Variants in PRKCE observed in about 807,000 individuals in gnomAD.
PRKCE encodes protein kinase C epsilon.
PRKCE carries 16 observed loss-of-function variants against 85.4 expected under a neutral mutation model. The ratio of observed to expected loss-of-function variants is 0.19; its 90% CI spans 0.13 to 0.28. PRKCE has a LOEUF of 0.28. Ranked by LOEUF, PRKCE falls within the 10% of genes least tolerant of loss-of-function variation. The pLI is 1.00. For synonymous variants in PRKCE, 388 were observed against 371.5 expected (o/e 1.04, Z -0.51); for missense variants, 573 against 975.2 (o/e 0.59, Z 5.49).
intron 10 of PRKCE, among the ~76,000 whole-genome samples, chr2:46,085,479 G>T (rs1669505482): frequency 6.6e-6 from 1 of 152,148 alleles, no homozygotes; most frequent in Non-Finnish European, 1.5e-5. Context: ...ACATGAAGGT[G>T]CTGGCTAGGC....
intron 14 of PRKCE, among the ~76,000 whole-genome samples, chr2:46,182,210 C>T (rs761928945): frequency 2.0e-5 from 3 of 152,126 alleles, no homozygotes; most frequent in Non-Finnish European, 4.4e-5. Flanking sequence ...TGACTCACTT[C>T]GCCAGGCACA....
chr2:46,051,851 T>C (rs1344201782), intron 10 of PRKCE, among the ~76,000 whole-genome samples: 3 of 152,142 alleles, frequency 2.0e-5, no homozygotes, highest in East Asian at 3.9e-4. Flanking sequence ...GTTACAATCA[T>C]GGCGGAAGGC....
intron 1 of PRKCE, among the ~76,000 whole-genome samples, chr2:45,710,675 G>T (rs1340326418): frequency 6.6e-6 from 1 of 152,264 alleles, no homozygotes; most frequent in Non-Finnish European, 1.5e-5. Context: ...TATGCCCAGG[G>T]CTTGGGGACT....
At chr2:45,793,743 T>C (rs1466259070) in intron 1 of PRKCE, among the ~76,000 whole-genome samples, 2 of 152,146 alleles carry the variant, frequency 1.3e-5, no homozygotes, top group Admixed American at 6.6e-5. Flanking sequence ...ACAGCAACAA[T>C]TGTTTAAATT....
intron 1 of PRKCE, among the ~76,000 whole-genome samples, chr2:45,661,762 A>G (rs1183638205): frequency 6.7e-6 from 1 of 149,648 alleles, no homozygotes; most frequent in African/African-American, 2.5e-5. Context: ...GATGGTCTCA[A>G]TCTCCTCACC....
Position 46,001,269 on chromosome 2 carries a change from A to ATATG in PRKCE, c.824-132_824-131insGTAT, listed in dbSNP as rs1553470602. On this transcript the variant is annotated intron_variant, in intron 6 of 14. Coordinates refer to ENST00000306156, the MANE Select transcript of PRKCE (RefSeq NM_005400.3). The surrounding 1 kb of genome is among the most constrained non-coding windows in gnomAD (Gnocchi z 4.4). ...ATGGAAGACATATATATATATATAT[A>ATATG]TATTTCTGTATTTTCCAAATTATAT... 2 of 547,960 alleles carry ATATG rather than the reference A, an allele frequency of 3.6e-6. No homozygotes were observed. The highest frequency in any genetic ancestry group is 5.1e-6 in the Non-Finnish European group (2 of 392,648). The allele number at this position is 547,960 out of a possible 1,614,324, so 33.9% of individuals were successfully genotyped here. A position where few individuals can be genotyped will look rare whatever the true frequency, so the allele number is the denominator to read the frequency against.
At chr2:45,955,330 C>A (rs1700897853) in intron 2 of PRKCE, among the ~76,000 whole-genome samples, 1 of 152,192 alleles carries the variant, frequency 6.6e-6, no homozygotes, top group Non-Finnish European at 1.5e-5. Context: ...TGAGCTTGGC[C>A]TCTGAGAGGG....
intron 14 of PRKCE, among the ~76,000 whole-genome samples, chr2:46,172,509 C>A (rs1679016042): frequency 1.3e-5 from 2 of 152,102 alleles, no homozygotes; most frequent in African/African-American, 2.4e-5. Context: ...GCCTGGGCGG[C>A]CCTGGGAGGG....
At chr2:46,078,765 C>G (rs556002798) in intron 10 of PRKCE, 2 of 152,300 alleles carry the variant, frequency 1.3e-5, no homozygotes, top group African/African-American at 4.8e-5. Context: ...GCCTTCTCCT[C>G]CTCCCACTCA....
chr2:46,062,411 G>C (rs1461207890), intron 10 of PRKCE, among the ~76,000 whole-genome samples: 1 of 152,114 alleles, frequency 6.6e-6, no homozygotes, highest in African/African-American at 2.4e-5. Context: ...CTTTCAAAGT[G>C]TGCCCCTTAG....
At chr2:45,959,873 G>T (rs1259986095) in intron 2 of PRKCE, among the ~76,000 whole-genome samples, 1 of 152,132 alleles carries the variant, frequency 6.6e-6, no homozygotes, top group Non-Finnish European at 1.5e-5. Context: ...GTGTGAGAGG[G>T]AGTTGTCTCT....
At chr2:45,660,694 A>G (rs928755644) in intron 1 of PRKCE, among the ~76,000 whole-genome samples, 2 of 152,240 alleles carry the variant, frequency 1.3e-5, no homozygotes, top group African/African-American at 4.8e-5. Context: ...TTACATAAAT[A>G]AAAGCTACAC....
At chr2:45,705,902 A>G (rs1161299292) in intron 1 of PRKCE, among the ~76,000 whole-genome samples, 2 of 152,142 alleles carry the variant, frequency 1.3e-5, no homozygotes, top group Non-Finnish European at 2.9e-5. Context: ...CTTTCTGAAG[A>G]TGATTGTAAC....
chr2:45,744,495 CTTT>C (rs1558623939), intron 1 of PRKCE, among the ~76,000 whole-genome samples: 2,555 of 53,686 alleles, frequency 0.048, 191 homozygotes, highest in African/African-American at 0.14. Flanking sequence ...CTTTTTCTTT[CTTT>C]CTTTTCTTTC....
intron 6 of PRKCE, among the ~76,000 whole-genome samples, chr2:45,995,475 T>C (rs1461985161): frequency 6.6e-6 from 1 of 152,224 alleles, no homozygotes; most frequent in Non-Finnish European, 1.5e-5. Flanking sequence ...AGGAGTTTCA[T>C]AGTTTTGCCT....
At chr2:45,748,660 C>T (rs1370848194) in intron 1 of PRKCE, among the ~76,000 whole-genome samples, 2 of 152,116 alleles carry the variant, frequency 1.3e-5, no homozygotes, top group Non-Finnish European at 2.9e-5. Context: ...TGGGTCTTCT[C>T]GGAGCTGGTC....
chr2:45,715,871 G>C (rs1680043329), intron 1 of PRKCE, among the ~76,000 whole-genome samples: 1 of 152,156 alleles, frequency 6.6e-6, no homozygotes, highest in Admixed American at 6.5e-5. Context: ...AGCCTATCTT[G>C]ATTGCTCTTC....
chr2:46,100,241 C>T (rs1671075125), intron 11 of PRKCE, among the ~76,000 whole-genome samples: 1 of 152,170 alleles, frequency 6.6e-6, no homozygotes, highest in African/African-American at 2.4e-5. Flanking sequence ...TCCAGGCCCA[C>T]AATTCCTGTC....
chr2:45,956,907 G>A (rs954983521), intron 2 of PRKCE, among the ~76,000 whole-genome samples: 3 of 151,170 alleles, frequency 2.0e-5, no homozygotes, highest in Non-Finnish European at 4.4e-5. Flanking sequence ...CTAATGTTGA[G>A]CATCTTTTCA....
Sources: allele counts gnomAD v4.1 joint callset (sites outside exome capture counted in the v4.1 genomes callset), GRCh38; gene constraint gnomAD v4.1.1; non-coding constraint Gnocchi (gnomAD v3.1); transcripts MANE v1.5; gene names NCBI Gene and HGNC (gene_info 2026-07-23, HGNC 2026-07-21).